Variants in DCX observed in about 807,000 individuals in gnomAD.
DCX encodes the protein doublecortin, also known as neuronal migration protein doublecortin.
DCX carries 4 observed loss-of-function variants against 20.9 expected under a neutral mutation model. The observed-to-expected ratio is 0.19, with a 90% confidence interval of 0.09 to 0.44. The LOEUF (loss-of-function observed/expected upper bound fraction) is 0.44, where lower values mean the gene tolerates loss of function less well. Among genes scored for constraint, DCX ranks in the 20% least tolerant of loss-of-function variants. DCX has a pLI of 0.99. For missense variants in DCX, 133 were observed against 296.9 expected (o/e 0.45, Z 4.06); for synonymous variants, 103 against 111.4 (o/e 0.92, Z 0.47).
At position 111,361,447 on chromosome X, in the gene DCX, G is replaced by C. The variant is rs1394205901; in HGVS notation, c.706-28294C>G. Among the ~76,000 whole-genome samples, 4 of 111,918 alleles carry C rather than the reference G, an allele frequency of 3.6e-5. No homozygotes were observed. In the East Asian group the frequency reaches 1.1e-3, roughly 31 times the overall value. ...GTTTACTCTTTAGCCTCAAAAAGTT[G>C]TATACTTCTAAGGAGAGAATTGCCA... is the stretch of plus-strand genomic sequence containing the variant. On this transcript the variant is annotated intron_variant, in intron 3 of 6. Coordinates refer to ENST00000636035, the MANE Select transcript of DCX (RefSeq NM_001195553.2).
chrX:111,367,106 T>C (rs1924683239), intron 3 of DCX, among the ~76,000 whole-genome samples: 2 of 112,084 alleles, frequency 1.8e-5, no homozygotes, highest in Admixed American at 1.9e-4. Context: ...AAAATTCTCA[T>C]CTGGTCCAGG....
rs1424883647 is a variant in DCX, at chrX:111,331,049, A to G, written c.809-8T>C. On this transcript the variant is annotated splice_region_variant and splice_polypyrimidine_tract_variant and intron_variant, in intron 4 of 6. Transcript: ENST00000636035. ...CCTTCATGACTCGGCATTCTGGGGCAAAAGGACACAGACAGCTTAGTAGAG... is the reference window on the plus strand; with the variant it reads ...CCTTCATGACTCGGCATTCTGGGGCGAAAGGACACAGACAGCTTAGTAGAG... 4 of 1,208,249 alleles carry G rather than the reference A, an allele frequency of 3.3e-6. No individual in the cohort carries two copies. In the African/African-American group the frequency reaches 5.3e-5, roughly 16 times the overall value.
At chrX:111,362,736 A>G (rs1222639446) in intron 3 of DCX, among the ~76,000 whole-genome samples, 1 of 111,352 alleles carries the variant, frequency 9.0e-6, no homozygotes. Context: ...CTGTGAAAGT[A>G]GAGAGATGAG....
At chrX:111,370,330 C>A (rs1400727414) in intron 3 of DCX, among the ~76,000 whole-genome samples, 1 of 111,710 alleles carries the variant, frequency 9.0e-6, no homozygotes, top group Non-Finnish European at 1.9e-5. Context: ...GTCTCCATTG[C>A]TCAATGAGTG....
At chrX:111,345,481 T>TA (rs1922720787) in intron 3 of DCX, among the ~76,000 whole-genome samples, 1 of 111,800 alleles carries the variant, frequency 8.9e-6, no homozygotes, top group Non-Finnish European at 1.9e-5. Context: ...AGAAAATTTT[T>TA]GCAATGTACC....
chrX:111,307,613 A>G (rs1242793431), intron 6 of DCX, among the ~76,000 whole-genome samples: 1 of 111,775 alleles, frequency 8.9e-6, no homozygotes, highest in East Asian at 2.8e-4. Context: ...GGTTCCTTCT[A>G]GTTCCAAAAT....
chrX:111,386,273 C>T (rs753304419), intron 3 of DCX, among the ~76,000 whole-genome samples: 8 of 111,201 alleles, frequency 7.2e-5, no homozygotes, highest in Non-Finnish European at 1.5e-4. Flanking sequence ...CCATACCGCT[C>T]GGTGAACTGA....
intron 3 of DCX, among the ~76,000 whole-genome samples, chrX:111,352,354 C>T (rs1482138899): frequency 8.9e-6 from 1 of 111,979 alleles, no homozygotes; most frequent in African/African-American, 3.2e-5. Context: ...ATTGCTTCCA[C>T]CTATGAATCC....
intron 3 of DCX, among the ~76,000 whole-genome samples, chrX:111,378,374 G>A (rs1909553304): frequency 9.0e-6 from 1 of 111,301 alleles, no homozygotes; most frequent in Non-Finnish European, 1.9e-5. Context: ...CTATCCTCTA[G>A]CAAATCTAAT....
intron 3 of DCX, among the ~76,000 whole-genome samples, chrX:111,343,150 T>TAA: frequency 9.8e-6 from 1 of 102,238 alleles, no homozygotes; most frequent in African/African-American, 3.6e-5. Context: ...TTTTTTTTTT[T>TAA]AATTAACAAA....
chrX:111,304,380 T>C (rs994040227), intron 6 of DCX, among the ~76,000 whole-genome samples: 2 of 112,295 alleles, frequency 1.8e-5, no homozygotes, highest in African/African-American at 6.5e-5. Context: ...GAAAAACTGA[T>C]GAATCTTGTA....
chrX:111,340,210 G>A (rs148660273), intron 3 of DCX, among the ~76,000 whole-genome samples: 3,113 of 112,444 alleles, frequency 0.028, 117 homozygotes, highest in African/African-American at 0.095. Flanking sequence ...TGTACTGCTT[G>A]GTCCCAAGAC....
intron 3 of DCX, among the ~76,000 whole-genome samples, chrX:111,333,843 A>G (rs955844694): frequency 9.0e-6 from 1 of 111,591 alleles, no homozygotes; most frequent in African/African-American, 3.3e-5. Flanking sequence ...CTGCTTCTCA[A>G]CAACAGACAG....
chrX:111,309,668 A>G (rs2095053104), intron 6 of DCX, among the ~76,000 whole-genome samples: 1 of 111,746 alleles, frequency 8.9e-6, no homozygotes, highest in Non-Finnish European at 1.9e-5. Context: ...GAAACATCAG[A>G]CAAGCCCAAA....
chrX:111,398,537 C>T (rs528706018), intron 3 of DCX, among the ~76,000 whole-genome samples: 79 of 111,307 alleles, frequency 7.1e-4, no homozygotes, highest in African/African-American at 2.4e-3. Context: ...TTCAGATCCA[C>T]TGGGCACCAC....
intron 4 of DCX, among the ~76,000 whole-genome samples, chrX:111,332,609 A>C (rs1056961267): frequency 8.9e-6 from 1 of 111,980 alleles, no homozygotes; most frequent in Non-Finnish European, 1.9e-5. Context: ...TGATGGTGTG[A>C]AAAGGGTTTG....
At chrX:111,313,028 T>C (rs1228796615) in intron 5 of DCX, among the ~76,000 whole-genome samples, 1 of 111,788 alleles carries the variant, frequency 8.9e-6, no homozygotes, top group Admixed American at 9.5e-5. Flanking sequence ...TTCATATTCA[T>C]TCCCAGGTTT....
At chrX:111,347,508 C>G (rs1444707889) in intron 3 of DCX, among the ~76,000 whole-genome samples, 2 of 111,331 alleles carry the variant, frequency 1.8e-5, no homozygotes, top group African/African-American at 3.3e-5. Flanking sequence ...CCATCCCAGG[C>G]CCTTAAGAAA....
rs1228309838 is a variant in DCX, at chrX:111,297,686, C to G, written c.*4001G>C. 1 of 111,235 alleles carries G rather than the reference C, an allele frequency of 9.0e-6. No homozygotes were observed. The highest frequency in any genetic ancestry group is 1.9e-5 in the Non-Finnish European group (1 of 53,015). 9.2% of individuals were successfully genotyped at this position (111,235 alleles called of 1,213,427 possible). On this transcript the variant is annotated 3_prime_UTR_variant, in exon 7 of 7. Transcript: ENST00000636035. ...CTCTTAGAACTGAACTAATAAATAC[C>G]CCCTTAGTTCCCAGGAAGAGCCTTG... is the stretch of plus-strand genomic sequence containing the variant.
Sources: gnomAD v4.1 joint callset for allele counts (sites outside exome capture counted in the v4.1 genomes callset) on GRCh38, gnomAD v4.1.1 for gene constraint, MANE v1.5 for transcripts, NCBI Gene and HGNC (gene_info 2026-07-23, HGNC 2026-07-21) for gene names.